GALNT17: variants seen among roughly 807,000 people sequenced by gnomAD.
GALNT17 encodes polypeptide N-acetylgalactosaminyltransferase 17.
GALNT17 carries 29 observed loss-of-function variants against 63.7 expected under a neutral mutation model. That is an observed-to-expected ratio of 0.46 (90% CI 0.34 to 0.62). The LOEUF (loss-of-function observed/expected upper bound fraction) is 0.62. Ranked by LOEUF, GALNT17 falls within the 20% of genes least tolerant of loss-of-function variation. The pLI is 0.01. For synonymous variants in GALNT17, 305 were observed against 318.3 expected (o/e 0.96, Z 0.45); for missense variants, 603 against 799.6 (o/e 0.75, Z 2.97).
intron 2 of GALNT17, among the ~76,000 whole-genome samples, chr7:71,367,711 C>G (rs1004192468): frequency 6.6e-6 from 1 of 152,178 alleles, no homozygotes; most frequent in African/African-American, 2.4e-5. Flanking sequence ...CAAATGCCCC[C>G]TTCTATTTGG....
intron 6 of GALNT17, among the ~76,000 whole-genome samples, chr7:71,625,044 A>G (rs1048744249): frequency 6.6e-6 from 1 of 152,212 alleles, no homozygotes; most frequent in Non-Finnish European, 1.5e-5. Context: ...TAGAGCCCTG[A>G]AAAGCTCTCA....
At chr7:71,285,353 G>A (rs1009632860) in intron 1 of GALNT17, among the ~76,000 whole-genome samples, 1 of 152,116 alleles carries the variant, frequency 6.6e-6, no homozygotes, top group Non-Finnish European at 1.5e-5. Flanking sequence ...TTGTAATTGA[G>A]AAAATTCACT....
intron 5 of GALNT17, among the ~76,000 whole-genome samples, chr7:71,440,896 A>G (rs1376656746): frequency 6.6e-6 from 1 of 152,204 alleles, no homozygotes; most frequent in African/African-American, 2.4e-5. Context: ...CTTACCAGTC[A>G]TGCAAGGTGT....
chr7:71,462,051 G>T (rs1787459628), intron 5 of GALNT17, among the ~76,000 whole-genome samples: 1 of 152,138 alleles, frequency 6.6e-6, no homozygotes, highest in South Asian at 2.1e-4. Flanking sequence ...GAGCAGACCT[G>T]CCCCTACTCT....
intron 2 of GALNT17, among the ~76,000 whole-genome samples, chr7:71,360,805 G>A (rs1298498952): frequency 6.6e-6 from 1 of 152,120 alleles, no homozygotes; most frequent in African/African-American, 2.4e-5. Context: ...GGGTATGGTG[G>A]CGGGTCCCTG....
chr7:71,696,189 T>A (rs574073329), intron 9 of GALNT17, among the ~76,000 whole-genome samples: 3 of 152,330 alleles, frequency 2.0e-5, no homozygotes, highest in African/African-American at 7.2e-5. Context: ...CATAGTTCAC[T>A]GCAGCCTTAA....
intron 5 of GALNT17, among the ~76,000 whole-genome samples, chr7:71,479,032 A>T (rs1416720794): frequency 6.6e-6 from 1 of 152,216 alleles, no homozygotes; most frequent in African/African-American, 2.4e-5. Flanking sequence ...ATCACTTGGC[A>T]CTTCGCAGTT....
intron 1 of GALNT17, among the ~76,000 whole-genome samples, chr7:71,135,065 T>A (rs1787757864): frequency 6.6e-6 from 1 of 152,084 alleles, no homozygotes; most frequent in South Asian, 2.1e-4. Flanking sequence ...TTGTCCAGGC[T>A]GGTCTCGAAT....
intron 9 of GALNT17, among the ~76,000 whole-genome samples, chr7:71,701,881 G>GTGTATATATA (rs1554326593): frequency 2.2e-5 from 2 of 90,056 alleles, no homozygotes; most frequent in Non-Finnish European, 4.5e-5. Context: ...ATATATATAT[G>GTGTATATATA]TATATATATA....
chr7:71,593,402 A>T (rs1789840017), intron 6 of GALNT17, among the ~76,000 whole-genome samples: 2 of 151,056 alleles, frequency 1.3e-5, no homozygotes, highest in Non-Finnish European at 2.9e-5. Context: ...AATAGCTGGG[A>T]TTACAGGTGC....
At chr7:71,651,492 C>T (rs150515267) in intron 6 of GALNT17, among the ~76,000 whole-genome samples, 3 of 152,082 alleles carry the variant, frequency 2.0e-5, no homozygotes, top group East Asian at 1.9e-4. Context: ...TTAGTAGACA[C>T]GGGGTTTCAC....
At chr7:71,507,634 C>G (rs191145762) in intron 5 of GALNT17, among the ~76,000 whole-genome samples, 1 of 152,296 alleles carries the variant, frequency 6.6e-6, no homozygotes, top group African/African-American at 2.4e-5. Context: ...CCACTGGGCC[C>G]TGAGCCAATG....
intron 6 of GALNT17, among the ~76,000 whole-genome samples, chr7:71,660,403 C>T (rs985979609): frequency 6.6e-6 from 1 of 152,220 alleles, no homozygotes; most frequent in Non-Finnish European, 1.5e-5. Context: ...CATTTGGGCA[C>T]TTCCCTCTGC....
chr7:71,311,664 C>G (rs1419354920), intron 1 of GALNT17, among the ~76,000 whole-genome samples: 2 of 152,124 alleles, frequency 1.3e-5, no homozygotes, highest in Non-Finnish European at 2.9e-5. Flanking sequence ...ATGTCATGGA[C>G]ACAGTTGGGA....
intron 5 of GALNT17, among the ~76,000 whole-genome samples, chr7:71,527,340 A>C (rs1468059413): frequency 3.3e-5 from 5 of 152,178 alleles, no homozygotes; most frequent in Non-Finnish European, 5.9e-5. Context: ...ATTGCATAAC[A>C]CCGCCGTTTA....
chr7:71,286,771 G>C (rs1236772308), intron 1 of GALNT17, among the ~76,000 whole-genome samples: 1 of 148,146 alleles, frequency 6.8e-6, no homozygotes, highest in African/African-American at 2.5e-5. Context: ...TTCTTTTTTT[G>C]TTTGTTATGT....
intron 1 of GALNT17, among the ~76,000 whole-genome samples, chr7:71,222,151 C>T (rs73190438): frequency 2.0e-5 from 3 of 151,592 alleles, no homozygotes; most frequent in Admixed American, 2.0e-4. Context: ...AGGTGATCAG[C>T]CAGCCTCAGC....
intron 1 of GALNT17, among the ~76,000 whole-genome samples, chr7:71,138,709 C>T (rs555013122): frequency 6.6e-6 from 1 of 152,160 alleles, no homozygotes; most frequent in Admixed American, 6.5e-5. Context: ...CACAGTGGCT[C>T]ACGCCTGTAA....
intron 1 of GALNT17, among the ~76,000 whole-genome samples, chr7:71,213,975 A>G (rs540453312): frequency 1.3e-5 from 2 of 152,322 alleles, no homozygotes; most frequent in African/African-American, 4.8e-5. Context: ...CAGTCCAGCA[A>G]TTTGGATCCT....
Sources: allele counts gnomAD v4.1 joint callset (sites outside exome capture counted in the v4.1 genomes callset), GRCh38; gene constraint gnomAD v4.1.1; transcripts MANE v1.5; gene names NCBI Gene and HGNC (gene_info 2026-07-23, HGNC 2026-07-21).